ACTR3C: variants seen among roughly 807,000 people sequenced by gnomAD.
ACTR3C encodes the protein actin related protein 3C, also known as actin-related protein 3C.
A neutral mutation model predicts 26.3 loss-of-function variants in ACTR3C; 18 were observed. The observed-to-expected ratio is 0.68, with a 90% CI of 0.47 to 1.01. The LOEUF (loss-of-function observed/expected upper bound fraction) is 1.01, where lower values mean the gene tolerates loss of function less well. Ranked by LOEUF, ACTR3C falls within the 50% of genes least tolerant of loss-of-function variation. The pLI is 0.00. For missense variants in ACTR3C, 184 were observed against 250.7 expected (o/e 0.73, Z 1.80); for synonymous variants, 55 against 94.5 (o/e 0.58, Z 2.42).
intron 1 of ACTR3C, among the ~76,000 whole-genome samples, chr7:150,321,305 C>T (rs1049602101): frequency 6.6e-6 from 1 of 152,212 alleles, no homozygotes; most frequent in Non-Finnish European, 1.5e-5. Context: ...AAGTCTCTCA[C>T]CTTAACAATT....
chr7:149,925,412 C>T, the ACTR3C span, among the ~76,000 whole-genome samples: 23 of 152,164 alleles, frequency 1.5e-4, no homozygotes, highest in East Asian at 4.1e-3. Context: ...ATGGGAAAGC[C>T]CTAAAAAGGA....
At chr7:149,998,904 C>T in the ACTR3C span, among the ~76,000 whole-genome samples, 2 of 150,604 alleles carry the variant, frequency 1.3e-5, no homozygotes, top group Non-Finnish European at 2.9e-5. Flanking sequence ...CCTCCCACCA[C>T]TCCCTCAGTC....
chr7:150,288,188 T>C (rs1254790457), intron 4 of ACTR3C, among the ~76,000 whole-genome samples: 1 of 142,706 alleles, frequency 7.0e-6, no homozygotes, highest in Non-Finnish European at 1.5e-5. Flanking sequence ...ACTCCCAGCC[T>C]TCACTGGGGG....
intron 7 of ACTR3C, 178 bp downstream of exon 7, chr7:150,248,770 G>T (rs1475396102): frequency 5.1e-6 from 2 of 390,256 alleles, no homozygotes; most frequent in Non-Finnish European, 9.0e-6. Flanking sequence ...ATGAAGAGTC[G>T]ATTGAGACTC....
the ACTR3C span, among the ~76,000 whole-genome samples, chr7:149,897,641 A>G: frequency 6.6e-6 from 1 of 152,254 alleles, no homozygotes; most frequent in African/African-American, 2.4e-5. Context: ...CAAGGTGGGC[A>G]GATCACCTGA....
At chr7:149,918,646 C>T in the ACTR3C span, among the ~76,000 whole-genome samples, 181 of 152,222 alleles carry the variant, frequency 1.2e-3, 2 homozygotes, top group South Asian at 0.033. Flanking sequence ...GTTGAGATCA[C>T]GCCATTGCAC....
the ACTR3C span, among the ~76,000 whole-genome samples, chr7:149,964,713 TAGTC>T: frequency 1.1e-4 from 17 of 152,212 alleles, no homozygotes; most frequent in African/African-American, 4.1e-4. Flanking sequence ...GGGAAATACA[TAGTC>T]AGATCAATAT....
At chr7:150,253,421 C>T (rs992824855) in intron 6 of ACTR3C, among the ~76,000 whole-genome samples, 3 of 152,098 alleles carry the variant, frequency 2.0e-5, no homozygotes, top group Non-Finnish European at 4.4e-5. Context: ...ATATTTTTTT[C>T]TGTGATCCAT....
At chr7:150,316,763 C>T (rs183916231) in intron 1 of ACTR3C, among the ~76,000 whole-genome samples, 5 of 152,260 alleles carry the variant, frequency 3.3e-5, no homozygotes, top group East Asian at 3.9e-4. Context: ...GGATTACAGG[C>T]ATGAGCCACC....
chr7:150,123,108 T>C, the ACTR3C span, among the ~76,000 whole-genome samples: 19 of 151,398 alleles, frequency 1.3e-4, no homozygotes, highest in East Asian at 3.7e-3. Context: ...AGGGGAGGGA[T>C]AGCATTAGGA....
chr7:150,092,239 A>T, the ACTR3C span, among the ~76,000 whole-genome samples: 3 of 129,342 alleles, frequency 2.3e-5, no homozygotes, highest in African/African-American at 8.3e-5. Flanking sequence ...GATTAAACCT[A>T]TGTTGCTAGT....
At chr7:150,035,738 TC>T in the ACTR3C span, among the ~76,000 whole-genome samples, 1 of 135,542 alleles carries the variant, frequency 7.4e-6, no homozygotes, top group East Asian at 2.1e-4. Flanking sequence ...TGGCTCTCAG[TC>T]CCCGCCTCGC....
chr7:150,062,649 T>C, the ACTR3C span, among the ~76,000 whole-genome samples: 1 of 146,542 alleles, frequency 6.8e-6, no homozygotes, highest in East Asian at 2.1e-4. Context: ...ATTATATGTT[T>C]TATGTGTGGG....
At chr7:150,152,384 T>C in the ACTR3C span, among the ~76,000 whole-genome samples, 1 of 152,204 alleles carries the variant, frequency 6.6e-6, no homozygotes, top group Non-Finnish European at 1.5e-5. Flanking sequence ...CTTTTCTGCA[T>C]CTATTGAGAT....
intron 1 of ACTR3C, among the ~76,000 whole-genome samples, chr7:150,317,681 T>C (rs1162033880): frequency 6.6e-6 from 1 of 152,232 alleles, no homozygotes; most frequent in Non-Finnish European, 1.5e-5. Context: ...TGTTTTCCAT[T>C]TAAGCATTAT....
the ACTR3C span, among the ~76,000 whole-genome samples, chr7:150,077,548 A>G: frequency 1.3e-5 from 2 of 152,108 alleles, no homozygotes; most frequent in Non-Finnish European, 2.9e-5. Flanking sequence ...GTGTTAGGTG[A>G]AACAGAGACT....
chr7:150,198,366 T>C, the ACTR3C span, among the ~76,000 whole-genome samples: 1 of 147,938 alleles, frequency 6.8e-6, no homozygotes, highest in Non-Finnish European at 1.5e-5. Flanking sequence ...GAGGAGCGTC[T>C]GCGCCCGGCC....
the ACTR3C span, among the ~76,000 whole-genome samples, chr7:150,103,766 G>A: frequency 1.4e-4 from 21 of 151,858 alleles, no homozygotes; most frequent in Admixed American, 5.9e-4. Flanking sequence ...TTCATGATGC[G>A]GGTAACTCCA....
At chr7:149,944,087 G>A in the ACTR3C span, among the ~76,000 whole-genome samples, 2 of 137,272 alleles carry the variant, frequency 1.5e-5, no homozygotes, top group South Asian at 2.2e-4. Context: ...TTGGAAAGCC[G>A]ATTCAGCCAG....
Sources: gnomAD v4.1 joint callset for allele counts (sites outside exome capture counted in the v4.1 genomes callset) on GRCh38, gnomAD v4.1.1 for gene constraint, MANE v1.5 for transcripts, NCBI Gene and HGNC (gene_info 2026-07-23, HGNC 2026-07-21) for gene names.